PSD: variants seen among roughly 807,000 people sequenced by gnomAD.
The protein encoded by PSD is PH and SEC7 domain-containing protein 1.
PSD carries 32 observed loss-of-function variants against 91.6 expected under a neutral mutation model. The observed-to-expected ratio is 0.35, with a 90% CI of 0.26 to 0.47. The LOEUF is 0.47. Among genes scored for constraint, PSD ranks in the 20% least tolerant of loss-of-function variants. The pLI, the probability that PSD is intolerant of heterozygous loss-of-function variation, is 1.00. For synonymous variants in PSD, 532 were observed against 569.3 expected, an observed-to-expected ratio of 0.93 and a Z score of 0.93; for missense variants, 1,099 against 1,373.9, an observed-to-expected ratio of 0.80 and a Z score of 3.16.
Position 102,405,226 on chromosome 10 carries a change from C to G in PSD, c.2354G>C (p.Ser785Thr). Residue 785 changes from serine to threonine, a missense_variant, in exon 13 of 17, where the codon AGC (serine) becomes ACC (threonine). Ser to Thr is a moderately conservative substitution (Grantham distance 58). This residue lies in a region of PSD where 358 missense variants were observed against 426.5 expected (regional missense o/e 0.84). Transcript: ENST00000020673. The surrounding 1 kb of genome is among the most constrained non-coding windows in gnomAD (Gnocchi z 5.4). ...CATGCCCTTGAGGATCCCGTGGAAG[C>G]TCTTCCAGCCCCGCTTGCCCCGAGG... ...KTPRGKRGWK[S>T]FHGILKGMIL... is the part of the protein sequence containing the mutation. The G allele has an allele frequency of 6.2e-7, 1 of 1,610,952 alleles. No individual in the cohort carries two copies. The highest frequency in any genetic ancestry group is 1.1e-5 in the South Asian group (1 of 91,076).
Position 102,414,730 on chromosome 10 carries a change from G to T in PSD, c.1124+133C>A. On this transcript the variant is annotated intron_variant, in intron 4 of 16. Transcript: ENST00000020673. The surrounding 1 kb of genome is among the most constrained non-coding windows in gnomAD (Gnocchi z 5.6). ...CTCAGGCCTCTGTCTAGAATCTCCT[G>T]CTATACACACTGCCCCGCCAGCCCC... is the stretch of plus-strand genomic sequence containing the variant. 8.1e-7 allele frequency: 1 copy of T among 1,229,578 alleles called. No individual in the cohort carries two copies. The highest frequency in any genetic ancestry group is 1.1e-6 in the Non-Finnish European group (1 of 915,890). The allele number at this position is 1,229,578 out of a possible 1,614,324, so 76.2% of individuals were successfully genotyped here. A position where few individuals can be genotyped will look rare whatever the true frequency, so the allele number is the denominator to read the frequency against.
rs753668043 is a variant in PSD at position 102,405,438 on chromosome 10, G to A, written c.2234C>T (p.Pro745Leu). ...ISGGSGSGSS[P>L]FLDLTPEPGA... ...AGGCTCGGGAGTCAGGTCCAGGAAA[G>A]GGCTGGAGCCACTGCCACTGCCCCC... Residue 745 changes from proline to leucine, a missense_variant, in exon 12 of 17, where the codon CCT becomes CTT. This residue lies in a region of PSD where 358 missense variants were observed against 426.5 expected (regional missense o/e 0.84). Transcript: ENST00000020673. This position sits in a 1 kb window ranked among gnomAD's most constrained non-coding sequence, Gnocchi z 5.4. The A allele has an allele frequency of 6.2e-7, 1 of 1,613,820 alleles. No homozygotes were observed. Among genetic ancestry groups the A allele is most frequent in the East Asian group, 2.2e-5 (1 of 44,832 alleles).
chr10:102,417,687 A>C (rs2061498089), intron 1 of PSD, among the ~76,000 whole-genome samples: 1 of 148,262 alleles, frequency 6.7e-6, no homozygotes, highest in South Asian at 2.1e-4. Context: ...ATACATACTG[A>C]GTGGGAAAGG....
chr10:102,407,716 A>G (rs1258008372), intron 10 of PSD, among the ~76,000 whole-genome samples: 2 of 152,000 alleles, frequency 1.3e-5, no homozygotes, highest in Non-Finnish European at 2.9e-5. Context: ...CACATAGCAT[A>G]TGGGGAAACT....
chr10:102,405,116 C>T lies in PSD; in HGVS notation c.2398-61G>A, dbSNP rs2061344789. 2 of 1,610,206 alleles carry T rather than the reference C, an allele frequency of 1.2e-6. No individual in the cohort carries two copies. Among genetic ancestry groups the T allele is most frequent in the South Asian group, 2.2e-5 (2 of 90,916 alleles). On this transcript the variant is annotated intron_variant, in intron 13 of 16. Coordinates refer to ENST00000020673, the MANE Select transcript of PSD (RefSeq NM_002779.5). The surrounding 1 kb of genome is among the most constrained non-coding windows in gnomAD (Gnocchi z 5.4). ...CAGCCTGGCCCAGCCCCTCCTATTC[C>T]CACCCATCACCCCACACCCACCAGC...
In PSD at chr10:102,414,312, C is replaced by A; in HGVS notation, c.1125-115G>T. The A allele has an allele frequency of 9.6e-7, 1 of 1,045,552 alleles. No individual in the cohort carries two copies. Among genetic ancestry groups the A allele is most frequent in the Non-Finnish European group, 1.4e-6 (1 of 725,720 alleles). The allele number at this position is 1,045,552 out of a possible 1,614,324, so 64.8% of individuals were successfully genotyped here. ...GGGATTATCATCCCCTTTTCACTGGCTCCAGCCCACTAACAAAAAAGAGCC... is the reference window on the plus strand; with the variant it reads ...GGGATTATCATCCCCTTTTCACTGGATCCAGCCCACTAACAAAAAAGAGCC... On this transcript the variant is annotated intron_variant, in intron 4 of 16. Coordinates refer to ENST00000020673, the MANE Select transcript of PSD (RefSeq NM_002779.5). The surrounding 1 kb of genome is among the most constrained non-coding windows in gnomAD (Gnocchi z 5.6).
Position 102,409,865 on chromosome 10 carries a change from C to A in PSD, c.2091+993G>T, listed in dbSNP as rs1025221641. On this transcript the variant is annotated intron_variant, in intron 10 of 16. Transcript: ENST00000020673. The surrounding 1 kb of genome is among the most constrained non-coding windows in gnomAD (Gnocchi z 5.7). Reference sequence around the variant, plus strand: ...GACACGGCCAATTCGAAGATGTAAACCCCACCACACATAAACATCCAGCCT... The same window carrying A: ...GACACGGCCAATTCGAAGATGTAAAACCCACCACACATAAACATCCAGCCT... 3.9e-5 allele frequency among the ~76,000 whole-genome samples: 6 copies of A among 152,098 alleles called. No homozygotes were observed. Among genetic ancestry groups the A allele is most frequent in the Admixed American group, 6.5e-5 (1 of 15,280 alleles).
upstream of PSD, chr10:102,419,861 A>G: frequency 4.7e-6 from 1 of 214,558 alleles, no homozygotes; most frequent in Non-Finnish European, 9.8e-6. The surrounding 1 kb of genome is among the most constrained non-coding windows in gnomAD (Gnocchi z 4.8). Flanking sequence ...AAGAAGAGAT[A>G]GCAAGCCCTC....
chr10:102,403,166 TG>T lies in PSD; in HGVS notation c.*33del. On this transcript the variant is annotated 3_prime_UTR_variant, in exon 17 of 17. Coordinates refer to ENST00000020673, the MANE Select transcript of PSD (RefSeq NM_002779.5). The surrounding 1 kb of genome is among the most constrained non-coding windows in gnomAD (Gnocchi z 6.7). ...AGGCAGGGCCATGTCATCCTTCAGG[TG>T]CCCAGCAGGCACTCCCCACCCTAAA... The T allele has an allele frequency of 7.0e-7, 1 of 1,434,358 alleles. No homozygotes were observed. Among genetic ancestry groups the T allele is most frequent in the Non-Finnish European group, 9.3e-7 (1 of 1,080,424 alleles). The allele number at this position is 1,434,358 out of a possible 1,614,324, so 88.9% of individuals were successfully genotyped here. A position where few individuals can be genotyped will look rare whatever the true frequency, so the allele number is the denominator to read the frequency against.
chr10:102,405,089 TGCA>T lies in PSD; in HGVS notation c.2398-37_2398-35del, dbSNP rs1289284474. On this transcript the variant is annotated intron_variant, in intron 13 of 16. Coordinates refer to ENST00000020673, the MANE Select transcript of PSD (RefSeq NM_002779.5). This position sits in a 1 kb window ranked among gnomAD's most constrained non-coding sequence, Gnocchi z 5.4. The stretch of plus-strand genomic sequence containing the variant: ...GTGTCCATCTTGTCCTGGCCCCAAA[TGCA>T]GCCTGGCCCAGCCCCTCCTATTCCC... 1 of 1,612,234 alleles carries T rather than the reference TGCA, an allele frequency of 6.2e-7. No homozygotes were observed. The highest frequency in any genetic ancestry group is 2.2e-5 in the East Asian group (1 of 44,844).
chr10:102,411,647 G>T, intron 8 of PSD, 60 bp downstream of exon 8: 1 of 1,284,730 alleles, frequency 7.8e-7, no homozygotes, highest in Admixed American at 1.9e-5. Context: ...CACACACAGG[G>T]CCCAGCCCAT....
chr10:102,415,943 G>A (rs1341105642), intron 3 of PSD, 74 bp downstream of exon 3: 2 of 1,135,970 alleles, frequency 1.8e-6, no homozygotes, highest in Admixed American at 4.9e-5. Flanking sequence ...GTTTGAAGGA[G>A]GGCTCCCTAC....
At position 102,403,342 on chromosome 10, in the gene PSD, G is replaced by A. The variant is rs572223815; in HGVS notation, c.2933C>T (p.Ala978Val). 2.5e-6 allele frequency: 4 copies of A among 1,614,058 alleles called. No individual in the cohort carries two copies. The African/African-American group carries it at 4.0e-5, about 16-fold the overall frequency. The change falls in exon 17 of 17, where the codon GCC becomes GTC. Residue 978 changes from alanine to valine, a missense_variant. Transcript: ENST00000020673. This position sits in a 1 kb window ranked among gnomAD's most constrained non-coding sequence, Gnocchi z 6.7. The stretch of plus-strand genomic sequence containing the variant: ...TCCATCCTCTGTGCTCCCGGCCTGG[G>A]CCAGTGCTGCCTCCACTGCATCCAG... ...EELDAVEAAL[A>V]QAGSTEDGLP...
chr10:102,412,566 G>A lies in PSD; in HGVS notation c.1563C>T (p.Pro521=). 6.2e-7 allele frequency: 1 copy of A among 1,610,932 alleles called. No homozygotes were observed. Among genetic ancestry groups the A allele is most frequent in the African/African-American group, 1.3e-5 (1 of 75,004 alleles). The change falls in exon 6 of 17, where the codon CCC becomes CCT. Residue 521 remains proline, a synonymous_variant. Coordinates refer to ENST00000020673, the MANE Select transcript of PSD (RefSeq NM_002779.5). ...CTGAGTCGGACACCAGCTGGCTCAG[G>A]GGTGGTTCGCTGCCGGGGTAGAACA... ...LGAAPLGSEP[P]LSQLVSDSDS... is the part of the protein sequence containing the mutation.
intron 8 of PSD, 85 bp from the exon 9 acceptor site, chr10:102,411,201 AC>A: frequency 7.4e-7 from 1 of 1,353,810 alleles, no homozygotes; most frequent in Non-Finnish European, 1.0e-6. Context: ...TTTCATCCCC[AC>A]CCCCTTTGGC....
intron 3 of PSD, among the ~76,000 whole-genome samples, 162 bp from the exon 4 acceptor site, chr10:102,415,391 G>A (rs1016561921): frequency 6.6e-6 from 1 of 152,254 alleles, no homozygotes; most frequent in Non-Finnish European, 1.5e-5. Flanking sequence ...CCTGGTGCCA[G>A]TGGAGCTCAT....
chr10:102,419,019 C>T (rs924835273), upstream of PSD: 2 of 323,282 alleles, frequency 6.2e-6, no homozygotes, highest in South Asian at 4.5e-5. This position sits in a 1 kb window ranked among gnomAD's most constrained non-coding sequence, Gnocchi z 4.8. Flanking sequence ...CGTGCCCCAC[C>T]CCACTTGTGT....
chr10:102,408,152 G>A (rs1489088690), intron 10 of PSD, among the ~76,000 whole-genome samples: 2 of 152,236 alleles, frequency 1.3e-5, no homozygotes, highest in Non-Finnish European at 2.9e-5. Context: ...CTGTCCGTGA[G>A]TGGGTGTGTC....
At position 102,405,630 on chromosome 10, in the gene PSD, TG is replaced by T; in HGVS notation, c.2136-95del. 8.1e-7 allele frequency: 1 copy of T among 1,239,614 alleles called. No homozygotes were observed. Among genetic ancestry groups the T allele is most frequent in the Non-Finnish European group, 1.1e-6 (1 of 904,778 alleles). The allele number at this position is 1,239,614 out of a possible 1,614,324, so 76.8% of individuals were successfully genotyped here. ...GCTCGCCCTGGAAAAGCTCCCCCAG[TG>T]TTTGTGGCTTGGGGGGCTCAACCTG... On this transcript the variant is annotated intron_variant, in intron 11 of 16. Coordinates refer to ENST00000020673, the MANE Select transcript of PSD (RefSeq NM_002779.5). The surrounding 1 kb of genome is among the most constrained non-coding windows in gnomAD (Gnocchi z 5.4).
Sources: allele counts gnomAD v4.1 joint callset (sites outside exome capture counted in the v4.1 genomes callset), GRCh38; gene constraint gnomAD v4.1.1; regional missense constraint gnomAD v4.1.1; non-coding constraint Gnocchi (gnomAD v3.1); transcripts MANE v1.5; gene names NCBI Gene and HGNC (gene_info 2026-07-23, HGNC 2026-07-21).